The following HMCN1 variants were observed in gnomAD, a reference collection of about 807,000 sequenced individuals.
HMCN1 encodes hemicentin-1.
A neutral mutation model predicts 625.9 loss-of-function variants in HMCN1; 321 were observed. The ratio of observed to expected loss-of-function variants is 0.51; its 90% CI spans 0.47 to 0.56. The LOEUF (loss-of-function observed/expected upper bound fraction) is 0.56. Ranked by LOEUF, HMCN1 falls within the 20% of genes least tolerant of loss-of-function variation. The pLI, the probability that HMCN1 is intolerant of heterozygous loss-of-function variation, is 0.00. For missense variants in HMCN1, 6,588 were observed against 6,887.3 expected (o/e 0.96, Z 1.54); for synonymous variants, 2,425 against 2,417.6 (o/e 1.00, Z -0.09).
At chr1:186,054,437 G>T (rs965351134) in intron 44 of HMCN1, among the ~76,000 whole-genome samples, 4 of 152,004 alleles carry the variant, frequency 2.6e-5, no homozygotes, top group Non-Finnish European at 5.9e-5. Context: ...TTTTGTGTAT[G>T]TGGAAATTTA....
intron 48 of HMCN1, among the ~76,000 whole-genome samples, chr1:186,063,883 T>C (rs1209148091): frequency 6.6e-6 from 1 of 152,218 alleles, no homozygotes; most frequent in African/African-American, 2.4e-5. Context: ...TCTAAGAGGA[T>C]ATTTTCAAGG....
At chr1:186,068,490 T>C (rs1658269039) in intron 50 of HMCN1, among the ~76,000 whole-genome samples, 1 of 152,072 alleles carries the variant, frequency 6.6e-6, no homozygotes, top group Admixed American at 6.6e-5. Context: ...GTGCAAAGAG[T>C]TGATTAAGAA....
chr1:185,912,289 T>C (rs995185759), intron 6 of HMCN1, among the ~76,000 whole-genome samples: 4 of 152,210 alleles, frequency 2.6e-5, no homozygotes, highest in African/African-American at 9.6e-5. Context: ...ATGATACACC[T>C]GAAATAGTAT....
chr1:185,789,928 T>A (rs1375800023), intron 1 of HMCN1, among the ~76,000 whole-genome samples: 2 of 152,204 alleles, frequency 1.3e-5, no homozygotes, highest in South Asian at 2.1e-4. Context: ...ACTGCCTAAA[T>A]CTGTTTAAAA....
At chr1:185,925,261 A>G in intron 9 of HMCN1, 70 bp downstream of exon 9, 1 of 1,450,630 alleles carries the variant, frequency 6.9e-7, no homozygotes, top group Non-Finnish European at 9.7e-7. Flanking sequence ...CTATTATTGC[A>G]GTGTACTTTT....
At chr1:185,878,124 A>C (rs1198380768) in intron 4 of HMCN1, among the ~76,000 whole-genome samples, 1 of 152,196 alleles carries the variant, frequency 6.6e-6, no homozygotes, top group African/African-American at 2.4e-5. Context: ...TTGAAACTTC[A>C]CTGAAGTTGC....
chr1:185,989,456 A>G, intron 20 of HMCN1, 32 bp from the exon 21 acceptor site: 3 of 1,588,352 alleles, frequency 1.9e-6, no homozygotes, highest in East Asian at 4.5e-5. Flanking sequence ...CAAACAAACA[A>G]AAAACCCTTT....
In HMCN1 at chr1:185,788,952, T is replaced by C. The variant is rs543000590; in HGVS notation, c.268+53905T>C. Among the ~76,000 whole-genome samples the C allele has an allele frequency of 9.2e-5, 14 of 152,328 alleles. No homozygotes were observed. The South Asian group carries it at 2.9e-3, about 32-fold the overall frequency. ...AACATTTGACTAACCCAAGGTTTTC[T>C]GAGAAATTACAAAATAAGGTAAAGT... On this transcript the variant is annotated intron_variant, in intron 1 of 106. Transcript: ENST00000271588.
intron 1 of HMCN1, among the ~76,000 whole-genome samples, chr1:185,757,349 C>T (rs1655200614): frequency 6.6e-6 from 1 of 152,266 alleles, no homozygotes; most frequent in Non-Finnish European, 1.5e-5. Context: ...CCTCTCTCTG[C>T]CCTCTCCTTC....
chr1:185,855,907 G>A (rs1219723075), intron 2 of HMCN1, among the ~76,000 whole-genome samples: 3 of 152,180 alleles, frequency 2.0e-5, no homozygotes, highest in Admixed American at 6.5e-5. Context: ...TAGTTTGACT[G>A]TCTGGGATGT....
At chr1:185,951,574 C>T (rs977020708) in intron 11 of HMCN1, among the ~76,000 whole-genome samples, 7 of 151,128 alleles carry the variant, frequency 4.6e-5, no homozygotes, top group African/African-American at 1.5e-4. Context: ...GCCGCTAAGC[C>T]GAGAAGATCT....
At chr1:185,910,205 A>G (rs1316902170) in intron 5 of HMCN1, among the ~76,000 whole-genome samples, 1 of 152,110 alleles carries the variant, frequency 6.6e-6, no homozygotes, top group East Asian at 1.9e-4. Flanking sequence ...TTTTTTCTCT[A>G]TATTTATAAA....
chr1:185,996,161 G>A (rs1652772078), intron 24 of HMCN1, among the ~76,000 whole-genome samples: 1 of 152,096 alleles, frequency 6.6e-6, no homozygotes, highest in African/African-American at 2.4e-5. Flanking sequence ...CTCATGAAAT[G>A]GTGGAAAACT....
intron 55 of HMCN1, among the ~76,000 whole-genome samples, chr1:186,080,131 A>G (rs1317847308): frequency 6.6e-6 from 1 of 152,200 alleles, no homozygotes; most frequent in Non-Finnish European, 1.5e-5. Flanking sequence ...TACATTTTAT[A>G]TTATCTGAAG....
chr1:185,814,604 T>C (rs1659728892), intron 1 of HMCN1, among the ~76,000 whole-genome samples: 1 of 140,362 alleles, frequency 7.1e-6, no homozygotes. Context: ...TGAAGGCATC[T>C]ATTTTATATT....
Position 186,055,378 on chromosome 1 carries a change from T to A in HMCN1, c.6863-15T>A, listed in dbSNP as rs1657241352. Reference sequence around the variant, plus strand: ...TTTCCTCTTTTGTTTCTTTTTATCTTCCTCCAACCCTCAGTTAGACCAACC... The same window carrying A: ...TTTCCTCTTTTGTTTCTTTTTATCTACCTCCAACCCTCAGTTAGACCAACC... On this transcript the variant is annotated splice_polypyrimidine_tract_variant and intron_variant, in intron 44 of 106. Coordinates refer to ENST00000271588, the MANE Select transcript of HMCN1 (RefSeq NM_031935.3). 6.2e-7 allele frequency: 1 copy of A among 1,611,544 alleles called. No individual in the cohort carries two copies. Among genetic ancestry groups the A allele is most frequent in the Non-Finnish European group, 8.5e-7 (1 of 1,178,304 alleles).
At chr1:185,951,116 A>T (rs1351219381) in intron 11 of HMCN1, among the ~76,000 whole-genome samples, 1 of 151,606 alleles carries the variant, frequency 6.6e-6, no homozygotes, top group African/African-American at 2.4e-5. Context: ...CCAAGGAGGG[A>T]GTAGAGGTAT....
chr1:186,049,327 T>A (rs186126348), intron 42 of HMCN1, among the ~76,000 whole-genome samples: 4 of 152,198 alleles, frequency 2.6e-5, no homozygotes, highest in Admixed American at 6.6e-5. Context: ...GTAATTCTCA[T>A]ACATAGTCAC....
intron 98 of HMCN1, among the ~76,000 whole-genome samples, chr1:186,165,953 TATC>T (rs1179669659): frequency 6.6e-6 from 1 of 152,230 alleles, no homozygotes; most frequent in Non-Finnish European, 1.5e-5. Context: ...TTTTAGCTAT[TATC>T]ATTGTTGTTT....
Sources: allele counts gnomAD v4.1 joint callset (sites outside exome capture counted in the v4.1 genomes callset), GRCh38; gene constraint gnomAD v4.1.1; transcripts MANE v1.5; gene names NCBI Gene and HGNC (gene_info 2026-07-23, HGNC 2026-07-21).